Variants in FERMT2 observed in about 807,000 individuals in gnomAD.
The protein encoded by FERMT2 is fermitin family homolog 2.
A neutral mutation model predicts 82.7 loss-of-function variants in FERMT2; 15 were observed. The observed-to-expected ratio is 0.18, with a 90% CI of 0.12 to 0.28. The LOEUF (loss-of-function observed/expected upper bound fraction) is 0.28. Ranked by LOEUF, FERMT2 falls within the 10% of genes least tolerant of loss-of-function variation. FERMT2 has a pLI of 1.00. For missense variants in FERMT2, 645 were observed against 809.4 expected (o/e 0.80, Z 2.46); for synonymous variants, 274 against 271.5 (o/e 1.01, Z -0.09).
intron 6 of FERMT2, among the ~76,000 whole-genome samples, chr14:52,879,969 A>G (rs1351477442): frequency 6.6e-6 from 1 of 152,224 alleles, no homozygotes; most frequent in Non-Finnish European, 1.5e-5. Context: ...TGTAGACCTA[A>G]GAAAAATTTG....
intron 10 of FERMT2, among the ~76,000 whole-genome samples, chr14:52,867,695 C>T (rs1885369806): frequency 6.6e-6 from 1 of 152,128 alleles, no homozygotes; most frequent in Non-Finnish European, 1.5e-5. Flanking sequence ...AAATAGACAT[C>T]CCACAGGCAC....
chr14:52,897,381 C>T (rs569674179), intron 3 of FERMT2, among the ~76,000 whole-genome samples: 1 of 152,144 alleles, frequency 6.6e-6, no homozygotes, highest in East Asian at 1.9e-4. Flanking sequence ...AAAGATGGAA[C>T]AAGATGGATA....
intron 10 of FERMT2, chr14:52,871,332 G>C (rs910524785): frequency 6.6e-6 from 1 of 152,314 alleles, no homozygotes; most frequent in Admixed American, 6.5e-5. Flanking sequence ...TGCAGAGCCA[G>C]CTGATTGACT....
chr14:52,891,704 A>C (rs1225090812), intron 4 of FERMT2, among the ~76,000 whole-genome samples: 1 of 152,214 alleles, frequency 6.6e-6, no homozygotes, highest in Non-Finnish European at 1.5e-5. Context: ...ACCAGAATGA[A>C]CTAAATTAGT....
At chr14:52,880,098 C>T (rs927293726) in intron 6 of FERMT2, among the ~76,000 whole-genome samples, 3 of 151,960 alleles carry the variant, frequency 2.0e-5, no homozygotes, top group African/African-American at 7.3e-5. Flanking sequence ...TCTGTCTCTA[C>T]AGAAAATAAG....
chr14:52,950,905 G>T lies in FERMT2; in HGVS notation c.-10+16C>A. On this transcript the variant is annotated intron_variant, in intron 1 of 14. Coordinates refer to ENST00000341590, the MANE Select transcript of FERMT2 (RefSeq NM_006832.3). ...GCCGCGCCCCCTCGGGTCCCGGCGG[G>T]GTCCCGCTCCCTCACCGCGCGCTCC... 1 of 186,984 alleles carries T rather than the reference G, an allele frequency of 5.3e-6. No individual in the cohort carries two copies. The highest frequency in any genetic ancestry group is 1.1e-5 in the Non-Finnish European group (1 of 91,472). The allele number at this position is 186,984 out of a possible 1,614,324, so 11.6% of individuals were successfully genotyped here.
At chr14:52,908,096 C>T (rs915553670) in intron 3 of FERMT2, among the ~76,000 whole-genome samples, 1 of 152,114 alleles carries the variant, frequency 6.6e-6, no homozygotes, top group African/African-American at 2.4e-5. Context: ...TGAATAGATG[C>T]TCAACATCAT....
chr14:52,925,557 T>G (rs1371794326), intron 2 of FERMT2, among the ~76,000 whole-genome samples: 1 of 88,208 alleles, frequency 1.1e-5, no homozygotes, highest in Non-Finnish European at 2.1e-5. Flanking sequence ...AGACTCTGTC[T>G]CAAAAAAAAA....
At chr14:52,885,469 A>T (rs927852876) in intron 4 of FERMT2, among the ~76,000 whole-genome samples, 1 of 152,184 alleles carries the variant, frequency 6.6e-6, no homozygotes, top group African/African-American at 2.4e-5. Flanking sequence ...GTTCAGAGAC[A>T]ATCCCAACTA....
rs1441084181 is a variant in FERMT2 at position 52,896,338 on chromosome 14, A to G, written c.392-2911T>C. On this transcript the variant is annotated intron_variant, in intron 3 of 14. Transcript: ENST00000341590. ...GCTAATTACTGGATCAAAATTTTAC[A>G]TGTGGCAGTTTACAGCTTTAGGAGC... 4.5e-4 allele frequency among the ~76,000 whole-genome samples: 68 copies of G among 152,228 alleles called. 1 individual carries two copies. The highest frequency in any genetic ancestry group is 4.4e-3 in the Admixed American group (68 of 15,290).
chr14:52,906,279 C>A (rs1318779307), intron 3 of FERMT2, among the ~76,000 whole-genome samples: 1 of 152,096 alleles, frequency 6.6e-6, no homozygotes, highest in African/African-American at 2.4e-5. Flanking sequence ...GTGGAAAGAA[C>A]CGACGGCTAA....
chr14:52,866,355 G>T (rs1885279048), intron 10 of FERMT2, among the ~76,000 whole-genome samples: 1 of 152,030 alleles, frequency 6.6e-6, no homozygotes, highest in South Asian at 2.1e-4. Context: ...AACTCTTTGA[G>T]GAACCCTATG....
At chr14:52,938,523 T>G (rs1889951047) in intron 2 of FERMT2, among the ~76,000 whole-genome samples, 1 of 152,174 alleles carries the variant, frequency 6.6e-6, no homozygotes, top group South Asian at 2.1e-4. Context: ...ATGTAACCAA[T>G]AAGTTGGCCA....
At chr14:52,908,716 G>GT (rs1888153117) in intron 3 of FERMT2, among the ~76,000 whole-genome samples, 1 of 152,138 alleles carries the variant, frequency 6.6e-6, no homozygotes, top group Admixed American at 6.5e-5. Flanking sequence ...TGGTCCACTG[G>GT]TCAAAATGCA....
Position 52,906,768 on chromosome 14 carries a change from T to C in FERMT2, c.391+12355A>G, listed in dbSNP as rs557824057. ...AGCAAATTAGCAGCAGAAAGATCAA[T>C]GGACTTGAAGATATGAATAAATCTT... is the stretch of plus-strand genomic sequence containing the variant. On this transcript the variant is annotated intron_variant, in intron 3 of 14. Coordinates refer to ENST00000341590, the MANE Select transcript of FERMT2 (RefSeq NM_006832.3). 4.1e-3 allele frequency among the ~76,000 whole-genome samples: 626 copies of C among 152,090 alleles called. 1 individual carries two copies. The highest frequency in any genetic ancestry group is 0.014 in the Middle Eastern group (4 of 294).
intron 3 of FERMT2, among the ~76,000 whole-genome samples, chr14:52,901,565 G>A (rs1887653708): frequency 6.6e-6 from 1 of 152,170 alleles, no homozygotes; most frequent in African/African-American, 2.4e-5. Flanking sequence ...AGAGAGATGA[G>A]ACAGAAGGAG....
At chr14:52,880,959 A>G in intron 6 of FERMT2, 77 bp downstream of exon 6, 1 of 889,360 alleles carries the variant, frequency 1.1e-6, no homozygotes, top group Non-Finnish European at 1.7e-6. Flanking sequence ...TATTCCACCG[A>G]CTTCCAAAAA....
rs142822355 is a variant in FERMT2 at position 52,933,580 on chromosome 14, C to T, written c.158-14224G>A. Among the ~76,000 whole-genome samples, 321 of 151,698 alleles carry T rather than the reference C, an allele frequency of 2.1e-3. 1 individual carries two copies. Among genetic ancestry groups the T allele is most frequent in the African/African-American group, 7.5e-3 (310 of 41,354 alleles). On this transcript the variant is annotated intron_variant, in intron 2 of 14. Coordinates refer to ENST00000341590, the MANE Select transcript of FERMT2 (RefSeq NM_006832.3). ...ACAAAATTAGCCGGGCATGGTGGCA[C>T]ATGCCTGTAATCCCAGCTACTTGGG...
chr14:52,946,027 T>C (rs374053603), intron 2 of FERMT2, among the ~76,000 whole-genome samples: 1 of 151,926 alleles, frequency 6.6e-6, no homozygotes, highest in Non-Finnish European at 1.5e-5. Context: ...CAGGTGCCCA[T>C]CACCATACCC....
Sources: allele counts gnomAD v4.1 joint callset (sites outside exome capture counted in the v4.1 genomes callset), GRCh38; gene constraint gnomAD v4.1.1; transcripts MANE v1.5; gene names NCBI Gene and HGNC (gene_info 2026-07-23, HGNC 2026-07-21).